Variants in PLD1 observed in about 807,000 individuals in gnomAD.
PLD1 encodes the protein choline phosphatase 1.
Under a neutral mutation model 137.1 loss-of-function variants are expected in PLD1, and 112 were observed. The ratio of observed to expected loss-of-function variants is 0.82; its 90% CI spans 0.70 to 0.96. The LOEUF is 0.96. Among genes scored for constraint, PLD1 ranks in the 40% least tolerant of loss-of-function variants. The probability of loss-of-function intolerance (pLI) is 0.00; values close to 1 mark genes in which losing one functional copy is unlikely to be tolerated. For synonymous variants in PLD1, 431 were observed against 454.7 expected (o/e 0.95, Z 0.66); for missense variants, 1,321 against 1,342.0 (o/e 0.98, Z 0.24).
In PLD1 at chr3:171,603,164, A is replaced by T; in HGVS notation, c.3139T>A (p.Phe1047Ile). The T allele has an allele frequency of 1.2e-6, 2 of 1,614,118 alleles. No homozygotes were observed. The highest frequency in any genetic ancestry group is 1.7e-6 in the Non-Finnish European group (2 of 1,179,978). The change falls in exon 27 of 27, where the codon TTC (phenylalanine) becomes ATC (isoleucine). Residue 1047 changes from phenylalanine to isoleucine, a missense_variant. Physicochemically the swap from Phe to Ile is conservative, Grantham distance 21. Coordinates refer to ENST00000351298, the MANE Select transcript of PLD1 (RefSeq NM_002662.5). ...TCTTCAGACAAGAAATAAAAGGGGA[A>T]TTGCACCAAAAATCCACGGATCTTC... ...LKKIRGFLVQ[F>I]PFYFLSEESL...
intron 6 of PLD1, among the ~76,000 whole-genome samples, chr3:171,727,105 G>T (rs1238026684): frequency 6.6e-6 from 1 of 152,016 alleles, no homozygotes; most frequent in Non-Finnish European, 1.5e-5. Flanking sequence ...TTATTCTTTT[G>T]ATTTTTTTTC....
At chr3:171,639,354 G>C (rs532976474) in intron 23 of PLD1, among the ~76,000 whole-genome samples, 2 of 124,760 alleles carry the variant, frequency 1.6e-5, no homozygotes, top group East Asian at 4.4e-4. Flanking sequence ...AGATATATAT[G>C]AATATATATT....
At position 171,603,132 on chromosome 3, in the gene PLD1, T is replaced by C; in HGVS notation, c.3171A>G (p.Leu1057=). 1 of 1,614,078 alleles carries C rather than the reference T, an allele frequency of 6.2e-7. No homozygotes were observed. Residue 1057 remains leucine (L), a synonymous_variant, in exon 27 of 27, where the codon CTA becomes CTG. Transcript: ENST00000351298. ...CCTCTTTGGTCCCAACAGAAGGCAG[T>C]AGGCTTTCTTCAGACAAGAAATAAA... The part of the protein sequence containing the change: ...FPFYFLSEES[L]LPSVGTKEAI...
Position 171,649,293 on chromosome 3 carries a change from T to C in PLD1, c.2430-4270A>G, listed in dbSNP as rs139442214. Among the ~76,000 whole-genome samples the C allele has an allele frequency of 5.9e-5, 9 of 152,340 alleles. 1 individual carries two copies. The highest frequency in any genetic ancestry group is 1.7e-4 in the African/African-American group (7 of 41,578). ...ACAAGCCCTTTGCTATTTTACAATATGGTAGCTCATAAATTTCCTGAATGA... is the reference window on the plus strand; with the variant it reads ...ACAAGCCCTTTGCTATTTTACAATACGGTAGCTCATAAATTTCCTGAATGA... On this transcript the variant is annotated intron_variant, in intron 21 of 26. Coordinates refer to ENST00000351298, the MANE Select transcript of PLD1 (RefSeq NM_002662.5).
At chr3:171,803,260 C>T (rs1474348900) in intron 1 of PLD1, among the ~76,000 whole-genome samples, 1 of 152,206 alleles carries the variant, frequency 6.6e-6, no homozygotes, top group Non-Finnish European at 1.5e-5. Flanking sequence ...CATAACTAAG[C>T]GTATTCCTTT....
chr3:171,689,313 A>C (rs1489780145), intron 13 of PLD1, among the ~76,000 whole-genome samples: 2 of 152,234 alleles, frequency 1.3e-5, no homozygotes, highest in Non-Finnish European at 2.9e-5. Context: ...AATATTAAGC[A>C]TATGAATATA....
At chr3:171,642,072 T>A (rs1389052097) in intron 23 of PLD1, among the ~76,000 whole-genome samples, 1 of 152,146 alleles carries the variant, frequency 6.6e-6, no homozygotes, top group Non-Finnish European at 1.5e-5. Context: ...GCCCACTATA[T>A]GCTGAACCCA....
At chr3:171,720,076 C>A (rs1304271170) in intron 8 of PLD1, among the ~76,000 whole-genome samples, 1 of 152,088 alleles carries the variant, frequency 6.6e-6, no homozygotes, top group Non-Finnish European at 1.5e-5. Flanking sequence ...GGGCAGATCA[C>A]TTGAGCTCAG....
intron 1 of PLD1, among the ~76,000 whole-genome samples, chr3:171,739,220 C>A (rs1342667359): frequency 6.6e-6 from 1 of 152,166 alleles, no homozygotes; most frequent in Non-Finnish European, 1.5e-5. Flanking sequence ...GTCTCTCCTG[C>A]AGGTGCTATC....
intron 21 of PLD1, among the ~76,000 whole-genome samples, chr3:171,652,412 C>CA (rs1200348368): frequency 0.029 from 1,716 of 58,380 alleles, 39 homozygotes; most frequent in African/African-American, 0.061. Context: ...GACTCCTTCT[C>CA]AAAAAAAAAA....
intron 7 of PLD1, among the ~76,000 whole-genome samples, chr3:171,725,097 A>G (rs1273556815): frequency 1.3e-5 from 2 of 152,184 alleles, no homozygotes; most frequent in African/African-American, 4.8e-5. Context: ...TTAACTCGTC[A>G]TTAATGGGTG....
rs564736047 is a variant in PLD1, at chr3:171,714,413, T to C, written c.759-368A>G. On this transcript the variant is annotated intron_variant, in intron 8 of 26. Coordinates refer to ENST00000351298, the MANE Select transcript of PLD1 (RefSeq NM_002662.5). ...TTTACAGTGAATGCAAATGGTAACT[T>C]CATCAGGCTGCATATAACAACATGT... Among the ~76,000 whole-genome samples the C allele has an allele frequency of 2.6e-5, 4 of 152,288 alleles. No individual in the cohort carries two copies. In the South Asian group the frequency reaches 8.3e-4, roughly 32 times the overall value.
At chr3:171,668,271 G>A (rs1366629005) in intron 19 of PLD1, among the ~76,000 whole-genome samples, 2 of 152,174 alleles carry the variant, frequency 1.3e-5, no homozygotes, top group African/African-American at 2.4e-5. Flanking sequence ...TGAAGGCCTG[G>A]CCCATACATG....
chr3:171,791,293 A>C (rs1723201526), intron 1 of PLD1, among the ~76,000 whole-genome samples: 1 of 152,200 alleles, frequency 6.6e-6, no homozygotes, highest in Admixed American at 6.5e-5. Flanking sequence ...GGAGTCATCT[A>C]ATTTTCCCCA....
At chr3:171,684,750 C>G (rs1209525832) in intron 16 of PLD1, among the ~76,000 whole-genome samples, 1 of 152,090 alleles carries the variant, frequency 6.6e-6, no homozygotes, top group Non-Finnish European at 1.5e-5. Flanking sequence ...TGCATGCCAC[C>G]ACACTCAGCT....
intron 25 of PLD1, among the ~76,000 whole-genome samples, chr3:171,607,584 A>G (rs1732307795): frequency 6.6e-6 from 1 of 152,180 alleles, no homozygotes; most frequent in Non-Finnish European, 1.5e-5. Context: ...TTTGAGGACT[A>G]AAGTTTGAGA....
intron 1 of PLD1, among the ~76,000 whole-genome samples, chr3:171,775,611 G>C (rs2108335706): frequency 6.6e-6 from 1 of 152,304 alleles, no homozygotes; most frequent in South Asian, 2.1e-4. Context: ...GGGAGGCTGA[G>C]AGGGGCGGAT....
At position 171,772,195 on chromosome 3, in the gene PLD1, T is replaced by C. The variant is rs181870357; in HGVS notation, c.-31-34113A>G. On this transcript the variant is annotated intron_variant, in intron 1 of 26. Transcript: ENST00000351298. ...TCACAGTATACTTATTTTCCCCTAG[T>C]TTTCAACTCCAAGAACAGTTTTAAT... Among the ~76,000 whole-genome samples the C allele has an allele frequency of 1.2e-3, 182 of 152,340 alleles. 1 individual carries two copies. The highest frequency in any genetic ancestry group is 3.5e-3 in the Admixed American group (53 of 15,308).
At chr3:171,624,195 C>G (rs1193708309) in intron 23 of PLD1, among the ~76,000 whole-genome samples, 2 of 151,886 alleles carry the variant, frequency 1.3e-5, no homozygotes, top group African/African-American at 4.8e-5. Flanking sequence ...AAAAGAAAAT[C>G]AAAATCTTAA....
Sources: gnomAD v4.1 joint callset for allele counts (sites outside exome capture counted in the v4.1 genomes callset) on GRCh38, gnomAD v4.1.1 for gene constraint, MANE v1.5 for transcripts, NCBI Gene and HGNC (gene_info 2026-07-23, HGNC 2026-07-21) for gene names.